SNTB1: variants seen among roughly 807,000 people sequenced by gnomAD.
SNTB1 encodes beta-1-syntrophin.
SNTB1 carries 36 observed loss-of-function variants against 48.9 expected under a neutral mutation model. The observed-to-expected ratio is 0.74, with a 90% CI of 0.56 to 0.97. SNTB1 has a LOEUF of 0.97. Among genes scored for constraint, SNTB1 ranks in the 50% least tolerant of loss-of-function variants. The pLI, the probability that SNTB1 is intolerant of heterozygous loss-of-function variation, is 0.00. For missense variants in SNTB1, 786 were observed against 703.4 expected, an observed-to-expected ratio of 1.12 and a Z score of -1.33; for synonymous variants, 299 against 294.6, an observed-to-expected ratio of 1.01 and a Z score of -0.15.
In SNTB1 at chr8:120,653,354, G is replaced by A. The variant is rs944993400; in HGVS notation, c.789-20703C>T. 2.0e-5 allele frequency among the ~76,000 whole-genome samples: 3 copies of A among 152,282 alleles called. No individual in the cohort carries two copies. In the South Asian group the frequency reaches 6.2e-4, roughly 32 times the overall value. The stretch of plus-strand genomic sequence containing the variant: ...AGAAGGTGATGTGAAGGTGGAGGCA[G>A]AGTTTGGAGTGATGCAGCTGCAAGA... On this transcript the variant is annotated intron_variant, in intron 2 of 6. Coordinates refer to ENST00000517992, the MANE Select transcript of SNTB1 (RefSeq NM_021021.4).
intron 1 of SNTB1, among the ~76,000 whole-genome samples, chr8:120,745,268 G>A (rs932990418): frequency 2.6e-5 from 4 of 151,866 alleles, no homozygotes; most frequent in African/African-American, 9.7e-5. Flanking sequence ...CCATGCTTGG[G>A]GTGCTGATGG....
intron 2 of SNTB1, among the ~76,000 whole-genome samples, chr8:120,650,328 G>A (rs1295294809): frequency 6.6e-6 from 1 of 152,320 alleles, no homozygotes; most frequent in East Asian, 1.9e-4. Flanking sequence ...AGAGCAGCAT[G>A]AAACCACTAA....
intron 3 of SNTB1, among the ~76,000 whole-genome samples, chr8:120,583,514 A>AACACACACACAC (rs10524445): frequency 1.7e-4 from 24 of 143,154 alleles, no homozygotes; most frequent in African/African-American, 5.7e-4. Flanking sequence ...TCCGTCTCAA[A>AACACACACACAC]ACACACACAC....
In SNTB1 at chr8:120,784,862, AG is replaced by A. The variant is rs1467970346; in HGVS notation, c.571+26410del. ...TGGGCAGCAGCCTACACTGTGAACC[AG>A]GAGAAAAACTGAGTCTGCAGAGTTT... On this transcript the variant is annotated intron_variant, in intron 1 of 6. Coordinates refer to ENST00000517992, the MANE Select transcript of SNTB1 (RefSeq NM_021021.4). Among the ~76,000 whole-genome samples, 3 of 152,234 alleles carry A rather than the reference AG, an allele frequency of 2.0e-5. No homozygotes were observed. The East Asian group carries it at 5.8e-4, about 29-fold the overall frequency.
intron 2 of SNTB1, among the ~76,000 whole-genome samples, chr8:120,660,514 T>C (rs184282163): frequency 5.3e-5 from 8 of 152,366 alleles, no homozygotes; most frequent in Middle Eastern, 3.4e-3. Context: ...TGGATTAGGC[T>C]TTAGCTTAAG....
At chr8:120,681,532 G>A (rs1314669963) in intron 2 of SNTB1, among the ~76,000 whole-genome samples, 1 of 152,132 alleles carries the variant, frequency 6.6e-6, no homozygotes, top group Admixed American at 6.5e-5. Context: ...CCTGAAAAGA[G>A]GGCCCTAAAT....
intron 2 of SNTB1, among the ~76,000 whole-genome samples, chr8:120,644,879 A>C (rs1351594547): frequency 3.3e-5 from 5 of 151,906 alleles, no homozygotes; most frequent in African/African-American, 1.2e-4. Context: ...ATGGTATCTC[A>C]CTGTTGTTTT....
At chr8:120,650,660 T>G (rs1817398056) in intron 2 of SNTB1, among the ~76,000 whole-genome samples, 1 of 152,214 alleles carries the variant, frequency 6.6e-6, no homozygotes, top group Admixed American at 6.5e-5. Context: ...TATATCTCCA[T>G]TGCCTGGCAT....
At chr8:120,607,000 G>T (rs1816533701) in intron 3 of SNTB1, among the ~76,000 whole-genome samples, 1 of 152,126 alleles carries the variant, frequency 6.6e-6, no homozygotes, top group Non-Finnish European at 1.5e-5. Flanking sequence ...TCATAATCTT[G>T]AGATGAGAAG....
At chr8:120,775,436 G>A (rs1196567118) in intron 1 of SNTB1, 2 of 152,120 alleles carry the variant, frequency 1.3e-5, no homozygotes, top group Non-Finnish European at 1.5e-5. Context: ...CAAATATTGT[G>A]CTGATTAAAA....
rs1357673886 is a variant in SNTB1, at chr8:120,581,231, A to G, written c.997-6006T>C. On this transcript the variant is annotated intron_variant, in intron 3 of 6. Coordinates refer to ENST00000517992, the MANE Select transcript of SNTB1 (RefSeq NM_021021.4). ...AAGAAAAGTGCTCTATGGGAGCCTCAGCTTTCTAGGACTAACTTCTCTCTT... is the reference window on the plus strand; with the variant it reads ...AAGAAAAGTGCTCTATGGGAGCCTCGGCTTTCTAGGACTAACTTCTCTCTT... Among the ~76,000 whole-genome samples, 2 of 152,224 alleles carry G rather than the reference A, an allele frequency of 1.3e-5. 1 individual carries two copies. The highest frequency in any genetic ancestry group is 4.8e-5 in the African/African-American group (2 of 41,464).
chr8:120,649,132 G>A (rs1461607869), intron 2 of SNTB1, among the ~76,000 whole-genome samples: 7 of 150,302 alleles, frequency 4.7e-5, no homozygotes, highest in Non-Finnish European at 8.9e-5. Context: ...GTAGCTCAGA[G>A]TAATTTGATC....
chr8:120,675,382 T>C (rs370853605), intron 2 of SNTB1, among the ~76,000 whole-genome samples: 41 of 152,326 alleles, frequency 2.7e-4, no homozygotes, highest in African/African-American at 8.7e-4. Context: ...GATAGATTTA[T>C]ACTGTGGTAT....
At chr8:120,578,655 C>T (rs1815988202) in intron 3 of SNTB1, among the ~76,000 whole-genome samples, 3 of 152,128 alleles carry the variant, frequency 2.0e-5, no homozygotes, top group Admixed American at 1.3e-4. Context: ...TGAAGCACAA[C>T]TTTGGTGAGC....
intron 1 of SNTB1, among the ~76,000 whole-genome samples, chr8:120,800,658 G>T (rs570198578): frequency 1.2e-4 from 19 of 152,124 alleles, no homozygotes; most frequent in Admixed American, 9.2e-4. Context: ...CATCAGCATT[G>T]AAAAAGTAAA....
chr8:120,695,750 T>G (rs1818201689), intron 1 of SNTB1, among the ~76,000 whole-genome samples: 1 of 152,044 alleles, frequency 6.6e-6, no homozygotes, highest in Non-Finnish European at 1.5e-5. Flanking sequence ...ATATCAAAAA[T>G]AGCCATATTA....
At chr8:120,766,712 AT>A (rs901778042) in intron 1 of SNTB1, among the ~76,000 whole-genome samples, 3 of 152,176 alleles carry the variant, frequency 2.0e-5, no homozygotes, top group Non-Finnish European at 4.4e-5. Flanking sequence ...TGGCTAGAAT[AT>A]TTTTAGTCAT....
chr8:120,651,856 G>A (rs957503325), intron 2 of SNTB1, among the ~76,000 whole-genome samples: 7 of 152,136 alleles, frequency 4.6e-5, no homozygotes, highest in South Asian at 2.1e-4. Flanking sequence ...AGAGTGGAGC[G>A]AAAAAAGAGC....
chr8:120,571,894 T>TTTTTATTTTTTTTTTTA (rs1815860717), intron 4 of SNTB1, among the ~76,000 whole-genome samples: 1 of 152,082 alleles, frequency 6.6e-6, no homozygotes, highest in African/African-American at 2.4e-5. Context: ...TTAAATTACT[T>TTTTTATTTTTTTTTTTA]TTAAATTTTA....
Sources: allele counts gnomAD v4.1 joint callset (sites outside exome capture counted in the v4.1 genomes callset), GRCh38; gene constraint gnomAD v4.1.1; transcripts MANE v1.5; gene names NCBI Gene and HGNC (gene_info 2026-07-23, HGNC 2026-07-21).